The following DPP6 variants were observed in gnomAD, a reference collection of about 807,000 sequenced individuals.
DPP6 encodes the protein dipeptidyl peptidase like 6, also known as A-type potassium channel modulatory protein DPP6.
DPP6 carries 69 observed loss-of-function variants against 122.6 expected under a neutral mutation model. That is an observed-to-expected ratio of 0.56 (90% CI 0.46 to 0.69). The LOEUF is 0.69. Ranked by LOEUF, DPP6 falls within the 30% of genes least tolerant of loss-of-function variation. The probability of loss-of-function intolerance (pLI) is 0.00; values close to 1 mark genes in which losing one functional copy is unlikely to be tolerated. For synonymous variants in DPP6, 418 were observed against 433.1 expected, an observed-to-expected ratio of 0.97 and a Z score of 0.43; for missense variants, 928 against 1,116.9, an observed-to-expected ratio of 0.83 and a Z score of 2.41.
chr7:154,422,818 A>T (rs773476625), intron 1 of DPP6, among the ~76,000 whole-genome samples: 4 of 152,186 alleles, frequency 2.6e-5, no homozygotes. Flanking sequence ...AACATAGAGT[A>T]TCGGCCAGGC....
intron 1 of DPP6, among the ~76,000 whole-genome samples, chr7:154,321,253 G>A (rs1335025555): frequency 3.3e-5 from 5 of 151,392 alleles, no homozygotes; most frequent in Non-Finnish European, 4.4e-5. Flanking sequence ...CTCTAGCCTA[G>A]GTGACAGAGC....
At chr7:154,067,523 G>A (rs1411604170) in intron 1 of DPP6, among the ~76,000 whole-genome samples, 4 of 152,116 alleles carry the variant, frequency 2.6e-5, no homozygotes, top group East Asian at 1.9e-4. Context: ...CTGGAGACTC[G>A]TGCATGTGGG....
intron 4 of DPP6, among the ~76,000 whole-genome samples, chr7:154,560,673 C>T (rs1830363355): frequency 6.6e-6 from 1 of 152,088 alleles, no homozygotes; most frequent in South Asian, 2.1e-4. Flanking sequence ...TACCTGAGGT[C>T]AGAGTTCGAG....
intron 1 of DPP6, among the ~76,000 whole-genome samples, chr7:154,074,957 GA>G (rs1199190663): frequency 1.3e-5 from 2 of 150,322 alleles, no homozygotes; most frequent in East Asian, 1.9e-4. Context: ...AAATCAGCAA[GA>G]AAAAAACAAA....
At chr7:154,638,428 A>G (rs73165050) in intron 6 of DPP6, among the ~76,000 whole-genome samples, 1,987 of 152,284 alleles carry the variant, frequency 0.013, 19 homozygotes, top group Middle Eastern at 0.068. Flanking sequence ...AGGGGGTTTC[A>G]GCGGCGTGTT....
At chr7:154,594,157 C>T (rs935227991) in intron 5 of DPP6, among the ~76,000 whole-genome samples, 5 of 152,202 alleles carry the variant, frequency 3.3e-5, no homozygotes, top group African/African-American at 1.2e-4. Context: ...AGATGCCCCT[C>T]ATGGAGGATC....
At chr7:154,840,953 C>T (rs1801481589) in intron 16 of DPP6, among the ~76,000 whole-genome samples, 1 of 152,130 alleles carries the variant, frequency 6.6e-6, no homozygotes, top group Non-Finnish European at 1.5e-5. Context: ...GTTAACGAGT[C>T]AATGTACGTT....
the DPP6 span, among the ~76,000 whole-genome samples, chr7:153,801,996 G>T: frequency 6.6e-6 from 1 of 152,278 alleles, no homozygotes; most frequent in East Asian, 1.9e-4. Flanking sequence ...ATTCACAGAA[G>T]CAAACTTTGG....
intron 1 of DPP6, among the ~76,000 whole-genome samples, chr7:154,428,931 G>T (rs954553683): frequency 6.6e-6 from 1 of 152,056 alleles, no homozygotes; most frequent in African/African-American, 2.4e-5. Context: ...TGCACTAAAC[G>T]CTCAGACTTC....
At chr7:154,127,267 G>A (rs1323980478) in intron 1 of DPP6, among the ~76,000 whole-genome samples, 1 of 152,090 alleles carries the variant, frequency 6.6e-6, no homozygotes, top group Non-Finnish European at 1.5e-5. Context: ...GACATTTTAA[G>A]AAAATATTTT....
At chr7:154,143,796 T>C (rs1795957950) in intron 1 of DPP6, among the ~76,000 whole-genome samples, 1 of 152,074 alleles carries the variant, frequency 6.6e-6, no homozygotes, top group African/African-American at 2.4e-5. Flanking sequence ...TTTCTTGGGC[T>C]ATAGCTTCAC....
chr7:153,977,480 C>T (rs1796366794), intron 1 of DPP6, among the ~76,000 whole-genome samples: 1 of 152,138 alleles, frequency 6.6e-6, no homozygotes, highest in Non-Finnish European at 1.5e-5. Context: ...TCTAGGTCAC[C>T]AGCTCCTTAT....
chr7:154,667,701 G>A (rs957554545), intron 6 of DPP6, among the ~76,000 whole-genome samples: 5 of 152,154 alleles, frequency 3.3e-5, no homozygotes, highest in African/African-American at 9.7e-5. Context: ...CAGCCTGAGC[G>A]ATAGAGCAAG....
At chr7:153,969,107 G>A (rs868242603) in intron 1 of DPP6, among the ~76,000 whole-genome samples, 2 of 150,740 alleles carry the variant, frequency 1.3e-5, no homozygotes, top group Admixed American at 1.3e-4. Flanking sequence ...TTTCTCTTGG[G>A]TAGATATCTA....
At chr7:154,592,225 G>A (rs1832844476) in intron 5 of DPP6, among the ~76,000 whole-genome samples, 1 of 152,240 alleles carries the variant, frequency 6.6e-6, no homozygotes, top group Admixed American at 6.5e-5. Context: ...GGCTTGACTG[G>A]TCCACATGTC....
intron 1 of DPP6, among the ~76,000 whole-genome samples, chr7:153,937,742 C>G (rs984701699): frequency 7.9e-5 from 12 of 152,168 alleles, no homozygotes; most frequent in African/African-American, 2.9e-4. Flanking sequence ...CCACTGTGCC[C>G]AGCCCAGAGC....
At chr7:154,610,100 C>A (rs937007) in intron 5 of DPP6, among the ~76,000 whole-genome samples, 61,460 of 152,004 alleles carry the variant, frequency 0.4, 13,436 homozygotes, top group East Asian at 0.65. Context: ...ACAAAATAGT[C>A]TCTGACCCCT....
chr7:154,237,259 G>A (rs1801277496), intron 1 of DPP6, among the ~76,000 whole-genome samples: 1 of 152,170 alleles, frequency 6.6e-6, no homozygotes, highest in African/African-American at 2.4e-5. Flanking sequence ...TTAGTATCTT[G>A]TTTACAGGTG....
At chr7:153,945,455 G>A (rs891009456) in intron 1 of DPP6, among the ~76,000 whole-genome samples, 2 of 152,162 alleles carry the variant, frequency 1.3e-5, no homozygotes, top group South Asian at 4.1e-4. Flanking sequence ...GAGATGGAAT[G>A]AAGAGGATGG....
Sources: gnomAD v4.1 joint callset for allele counts (sites outside exome capture counted in the v4.1 genomes callset) on GRCh38, gnomAD v4.1.1 for gene constraint, MANE v1.5 for transcripts, NCBI Gene and HGNC (gene_info 2026-07-23, HGNC 2026-07-21) for gene names.